C12orf56: variants seen among roughly 807,000 people sequenced by gnomAD.
The protein encoded by C12orf56 is chromosome 12 open reading frame 56, also known as uncharacterized protein C12orf56.
A neutral mutation model predicts 69.9 loss-of-function variants in C12orf56; 71 were observed. The observed-to-expected ratio is 1.02, with a 90% CI of 0.84 to 1.24. The LOEUF is 1.24. Among genes scored for constraint, C12orf56 ranks in the 50% most tolerant of loss-of-function variants. The pLI, the probability that C12orf56 is intolerant of heterozygous loss-of-function variation, is 0.00. For synonymous variants in C12orf56, 276 were observed against 274.1 expected (o/e 1.01, Z -0.07); for missense variants, 732 against 738.5 (o/e 0.99, Z 0.10).
At chr12:64,303,420 C>G (rs2038472381) in intron 6 of C12orf56, among the ~76,000 whole-genome samples, 1 of 150,702 alleles carries the variant, frequency 6.6e-6, no homozygotes, top group African/African-American at 2.4e-5. Flanking sequence ...GCTACCACTC[C>G]CCTCTCTTCC....
At chr12:64,284,133 G>T (rs887527456) in intron 8 of C12orf56, among the ~76,000 whole-genome samples, 3 of 152,066 alleles carry the variant, frequency 2.0e-5, no homozygotes, top group Non-Finnish European at 4.4e-5. Context: ...CCTGACCTCA[G>T]GTGATCCACC....
At chr12:64,364,990 A>T (rs1398788872) in intron 1 of C12orf56, among the ~76,000 whole-genome samples, 1 of 152,084 alleles carries the variant, frequency 6.6e-6, no homozygotes, top group Non-Finnish European at 1.5e-5. Context: ...TTGTGGCCAG[A>T]TCCTCTCCAG....
intron 8 of C12orf56, among the ~76,000 whole-genome samples, chr12:64,280,190 C>G (rs919387993): frequency 6.6e-6 from 1 of 152,078 alleles, no homozygotes; most frequent in Non-Finnish European, 1.5e-5. Context: ...GAAATCCACC[C>G]CTTCTGCTAA....
intron 2 of C12orf56, among the ~76,000 whole-genome samples, chr12:64,343,244 T>G (rs947824718): frequency 5.3e-5 from 8 of 152,142 alleles, no homozygotes; most frequent in African/African-American, 1.9e-4. Context: ...TTAGTCGGAT[T>G]TTTTTCCTAT....
intron 5 of C12orf56, among the ~76,000 whole-genome samples, chr12:64,310,104 A>G (rs1272552373): frequency 6.6e-6 from 1 of 150,554 alleles, no homozygotes; most frequent in African/African-American, 2.4e-5. Context: ...TACAGCCTCC[A>G]CCTCCCAGGC....
chr12:64,345,956 G>C (rs1005842619), intron 2 of C12orf56, among the ~76,000 whole-genome samples: 1 of 152,148 alleles, frequency 6.6e-6, no homozygotes, highest in African/African-American at 2.4e-5. Flanking sequence ...ATTAGAAGTA[G>C]AGTCCTTAGC....
In C12orf56 at chr12:64,264,821, G is replaced by C. The variant is rs561547661; in HGVS notation, c.*2362C>G. On this transcript the variant is annotated 3_prime_UTR_variant, in exon 13 of 13. Transcript: ENST00000543942. ...TGATCCCAGACTGTGCAAATGAATA[G>C]ACATGAGTTATACAGAGTAGACTGA... The C allele has an allele frequency of 5.4e-4, 82 of 152,268 alleles. No individual in the cohort carries two copies. The highest frequency in any genetic ancestry group is 1.9e-3 in the African/African-American group (80 of 41,554). 9.4% of individuals were successfully genotyped at this position (152,268 alleles called of 1,614,324 possible).
In C12orf56 at chr12:64,384,936, C is replaced by T. The variant is rs531813953; in HGVS notation, c.252+5378G>A. Reference sequence around the variant, plus strand: ...GGGTGTGGTGGTGCGAGCCTGTAATCCCAGCTACCCGAGAGGCTGAGGCAA... The same window carrying T: ...GGGTGTGGTGGTGCGAGCCTGTAATTCCAGCTACCCGAGAGGCTGAGGCAA... On this transcript the variant is annotated intron_variant, in intron 1 of 12. Transcript: ENST00000543942. 3.9e-5 allele frequency among the ~76,000 whole-genome samples: 6 copies of T among 151,966 alleles called. No homozygotes were observed. In the East Asian group the frequency reaches 5.8e-4, roughly 15 times the overall value.
intron 11 of C12orf56, among the ~76,000 whole-genome samples, chr12:64,271,194 A>C (rs537212056): frequency 8.3e-4 from 125 of 150,798 alleles, no homozygotes; most frequent in African/African-American, 2.8e-3. Context: ...CAGGTCGGGC[A>C]CTGTGCCTCA....
chr12:64,284,173 C>T (rs538678900), intron 8 of C12orf56, among the ~76,000 whole-genome samples: 53 of 152,304 alleles, frequency 3.5e-4, no homozygotes, highest in Non-Finnish European at 6.6e-4. Flanking sequence ...GCTGGGATTA[C>T]AGGCGTGAGC....
intron 1 of C12orf56, among the ~76,000 whole-genome samples, chr12:64,355,304 T>C (rs1214066103): frequency 6.6e-6 from 1 of 152,132 alleles, no homozygotes; most frequent in Non-Finnish European, 1.5e-5. Context: ...CAATATCTAC[T>C]CAAATTCAAT....
intron 2 of C12orf56, among the ~76,000 whole-genome samples, chr12:64,351,136 A>G (rs1489900200): frequency 6.6e-6 from 1 of 152,178 alleles, no homozygotes; most frequent in Non-Finnish European, 1.5e-5. Flanking sequence ...ACATCCTGCC[A>G]TTTGGGAAAA....
chr12:64,357,103 T>C (rs1592484113), intron 1 of C12orf56, among the ~76,000 whole-genome samples: 1 of 150,348 alleles, frequency 6.7e-6, no homozygotes. Flanking sequence ...ATCAGCAGGC[T>C]CCTAAAAAAA....
At chr12:64,344,831 C>G (rs2039119330) in intron 2 of C12orf56, among the ~76,000 whole-genome samples, 1 of 151,818 alleles carries the variant, frequency 6.6e-6, no homozygotes, top group Non-Finnish European at 1.5e-5. Flanking sequence ...GGATGCCTTC[C>G]CCTACATTAA....
chr12:64,325,630 T>C (rs577771610), intron 3 of C12orf56, among the ~76,000 whole-genome samples: 13 of 152,248 alleles, frequency 8.5e-5, no homozygotes, highest in African/African-American at 3.1e-4. Flanking sequence ...ATTAATATAG[T>C]GTGGAACTGA....
chr12:64,352,921 G>T lies in C12orf56; in HGVS notation c.388C>A (p.His130Asn), dbSNP rs200860774. The T allele has an allele frequency of 1.8e-4, 294 of 1,611,974 alleles. No homozygotes were observed. Among genetic ancestry groups the T allele is most frequent in the Non-Finnish European group, 3.9e-5 (46 of 1,179,478 alleles). ...TTCTTGTTGTTAGCTTTAGTATGAT[G>T]AAATGGAAATAGGAATTTCCTGACA... ...NSVRKFLFPF[H>N]HTKANNKKVK... Residue 130 changes from histidine to asparagine, a missense_variant, in exon 2 of 13, where the codon CAT becomes AAT. Coordinates refer to ENST00000543942, the MANE Select transcript of C12orf56 (RefSeq NM_001170633.2).
chr12:64,300,636 A>G (rs1167990662), intron 6 of C12orf56, among the ~76,000 whole-genome samples: 19 of 152,154 alleles, frequency 1.2e-4, no homozygotes, highest in Non-Finnish European at 7.3e-5. Context: ...CTCACATTCC[A>G]TAAAACCCTG....
chr12:64,373,000 A>G (rs913494185), intron 1 of C12orf56, among the ~76,000 whole-genome samples: 2 of 152,194 alleles, frequency 1.3e-5, no homozygotes, highest in African/African-American at 2.4e-5. Flanking sequence ...GACAGAATAT[A>G]TCACTCTTCT....
chr12:64,274,069 G>A (rs11175307), intron 11 of C12orf56, among the ~76,000 whole-genome samples: 34,165 of 152,136 alleles, frequency 0.22, 4,149 homozygotes, highest in East Asian at 0.5. Flanking sequence ...TGCCTCTAAT[G>A]AGGGAATCTC....
Sources: allele counts gnomAD v4.1 joint callset (sites outside exome capture counted in the v4.1 genomes callset), GRCh38; gene constraint gnomAD v4.1.1; transcripts MANE v1.5; gene names NCBI Gene and HGNC (gene_info 2026-07-23, HGNC 2026-07-21).